The following SIN3A variants were observed in gnomAD, a reference collection of about 807,000 sequenced individuals.
SIN3A encodes paired amphipathic helix protein Sin3a.
SIN3A carries 14 observed loss-of-function variants against 146.1 expected under a neutral mutation model. The ratio of observed to expected loss-of-function variants is 0.10; its 90% CI spans 0.06 to 0.15. The LOEUF is 0.15. Ranked by LOEUF, SIN3A falls within the 10% of genes least tolerant of loss-of-function variation. The pLI is 1.00. For synonymous variants in SIN3A, 572 were observed against 572.0 expected, an observed-to-expected ratio of 1.00 and a Z score of 0.00; for missense variants, 1,028 against 1,576.0, an observed-to-expected ratio of 0.65 and a Z score of 5.89.
chr15:75,433,401 A>C (rs1300678345), intron 1 of SIN3A, among the ~76,000 whole-genome samples: 1 of 152,008 alleles, frequency 6.6e-6, no homozygotes, highest in East Asian at 1.9e-4. Flanking sequence ...CTGATATCAT[A>C]CTCTATCTTT....
rs968883255 is a variant in SIN3A, at chr15:75,393,576, T to C, written c.2278-761A>G. Among the ~76,000 whole-genome samples, 30 of 152,150 alleles carry C rather than the reference T, an allele frequency of 2.0e-4. 1 individual carries two copies. The highest frequency in any genetic ancestry group is 7.2e-4 in the African/African-American group (30 of 41,424). On this transcript the variant is annotated intron_variant, in intron 14 of 20. Coordinates refer to ENST00000394947, the MANE Select transcript of SIN3A (RefSeq NM_001145358.2). Reference sequence around the variant, plus strand: ...TTTTAGTAGAGATGAGGTTTCACCATGTCGGCCAGGCTGGTTTCGAACTTC... The same window carrying C: ...TTTTAGTAGAGATGAGGTTTCACCACGTCGGCCAGGCTGGTTTCGAACTTC...
intron 14 of SIN3A, among the ~76,000 whole-genome samples, chr15:75,394,046 G>C (rs1211352141): frequency 1.3e-5 from 2 of 150,376 alleles, no homozygotes; most frequent in Non-Finnish European, 3.0e-5. Context: ...GACCTCAGGT[G>C]ATCTGCCCGC....
At chr15:75,428,702 GC>G (rs2073966214) in intron 2 of SIN3A, among the ~76,000 whole-genome samples, 1 of 151,952 alleles carries the variant, frequency 6.6e-6, no homozygotes, top group Non-Finnish European at 1.5e-5. Context: ...TTGCTATGTT[GC>G]CCAGGCTGAT....
chr15:75,372,574 T>C (rs1172764825), intron 20 of SIN3A, among the ~76,000 whole-genome samples: 1 of 152,004 alleles, frequency 6.6e-6, no homozygotes, highest in Non-Finnish European at 1.5e-5. Flanking sequence ...GTAATCCTAG[T>C]ACTCTGGGAG....
At chr15:75,418,466 C>T (rs2073782333) in intron 3 of SIN3A, among the ~76,000 whole-genome samples, 1 of 152,108 alleles carries the variant, frequency 6.6e-6, no homozygotes, top group East Asian at 1.9e-4. Flanking sequence ...ACTGGGATTA[C>T]AGGTGCATGC....
At chr15:75,413,702 C>T (rs553858994) in intron 4 of SIN3A, among the ~76,000 whole-genome samples, 1 of 152,218 alleles carries the variant, frequency 6.6e-6, no homozygotes, top group East Asian at 1.9e-4. Flanking sequence ...CGCCACCATG[C>T]CCGGCTAATT....
Position 75,392,354 on chromosome 15 carries a change from G to T in SIN3A, c.2739C>A (p.Ala913=). The T allele has an allele frequency of 6.2e-7, 1 of 1,614,150 alleles. No homozygotes were observed. Among genetic ancestry groups the T allele is most frequent in the Non-Finnish European group, 8.5e-7 (1 of 1,180,032 alleles). The change falls in exon 15 of 21, where the codon GCC becomes GCA. Residue 913 remains alanine, a synonymous_variant. Transcript: ENST00000394947. The part of the protein sequence containing the change: ...CLRLLRICSQ[A]ERQIEEENRE... ...GGTTTTCTTCTTCAATTTGCCGTTC[G>T]GCTTGGGAACAAATCCGTAGCAGCC...
intron 20 of SIN3A, among the ~76,000 whole-genome samples, chr15:75,373,010 C>T (rs1378205906): frequency 6.6e-6 from 1 of 152,084 alleles, no homozygotes; most frequent in African/African-American, 2.4e-5. Flanking sequence ...GGCTTAAAAC[C>T]ACTCTCCCTC....
At position 75,392,643 on chromosome 15, in the gene SIN3A, T is replaced by C; in HGVS notation, c.2450A>G (p.His817Arg). 6.2e-7 allele frequency: 1 copy of C among 1,614,206 alleles called. No individual in the cohort carries two copies. The highest frequency in any genetic ancestry group is 8.5e-7 in the Non-Finnish European group (1 of 1,180,046). ...AAAGAGCAAATCTGGAATAAAATGA[T>C]GCATGATTTGTTTTATCTTATATTT... ...EDKYKIKQIM[H>R]HFIPDLLFAQ... The change falls in exon 15 of 21, where the codon CAT becomes CGT. Residue 817 changes from histidine (H) to arginine (R), a missense_variant. His to Arg is a conservative substitution (Grantham distance 29). Around this residue, in one of 9 missense-constraint regions of SIN3A, gnomAD observed 488 missense variants for 690.2 expected, o/e 0.71. Transcript: ENST00000394947.
At chr15:75,412,626 T>C (rs904016341) in intron 5 of SIN3A, 137 bp downstream of exon 5, 3 of 882,292 alleles carry the variant, frequency 3.4e-6, no homozygotes, top group Non-Finnish European at 5.0e-6. Flanking sequence ...AGTGAAGTTT[T>C]CATACAGCAT....
chr15:75,452,097 C>T (rs2141653841), upstream of SIN3A, among the ~76,000 whole-genome samples: 1 of 152,366 alleles, frequency 6.6e-6, no homozygotes, highest in East Asian at 1.9e-4. Context: ...GGCTCTCCCA[C>T]CGCCCCAGTA....
chr15:75,389,726 G>A lies in SIN3A; in HGVS notation c.2947C>T (p.Leu983=), dbSNP rs1381418666. The A allele has an allele frequency of 3.7e-6, 6 of 1,613,960 alleles. No homozygotes were observed. The highest frequency in any genetic ancestry group is 5.1e-6 in the Non-Finnish European group (6 of 1,179,980). The part of the protein sequence containing the change: ...NIDSSQYEDS[L]REMFTIHAYI... ...GCATGAATGGTGAACATCTCTCTCA[G>A]TGAATCTTCATACTGTGATGAGTCT... Residue 983 remains leucine (L), a synonymous_variant, in exon 16 of 21, where the codon CTG becomes TTG. Transcript: ENST00000394947.
At chr15:75,415,557 TA>T in intron 3 of SIN3A, 2 of 192,988 alleles carry the variant, frequency 1.0e-5, no homozygotes, top group South Asian at 1.1e-4. Context: ...AGCCCAACCC[TA>T]AAAAGGATGC....
intron 1 of SIN3A, among the ~76,000 whole-genome samples, chr15:75,446,848 T>C (rs2074317146): frequency 6.6e-6 from 1 of 152,132 alleles, no homozygotes; most frequent in African/African-American, 2.4e-5. Context: ...CTTGGCTCAC[T>C]GCAAGCTCCA....
chr15:75,416,048 C>A, intron 3 of SIN3A: 1 of 288,816 alleles, frequency 3.5e-6, no homozygotes, highest in Non-Finnish European at 6.8e-6. Context: ...TAACTGTGTA[C>A]TTCTGGTGAC....
At chr15:75,389,456 G>C (rs1465897078) in intron 16 of SIN3A, among the ~76,000 whole-genome samples, 196 bp downstream of exon 16, 1 of 152,060 alleles carries the variant, frequency 6.6e-6, no homozygotes, top group Non-Finnish European at 1.5e-5. Context: ...GAAAGGATAT[G>C]GGGTAGGCAG....
chr15:75,427,570 G>A (rs1211428669), intron 2 of SIN3A, among the ~76,000 whole-genome samples: 2 of 152,014 alleles, frequency 1.3e-5, no homozygotes, highest in Non-Finnish European at 2.9e-5. Flanking sequence ...TGAGGCAAGA[G>A]AATCGCTTCA....
rs139611519 is a variant in SIN3A, at chr15:75,404,659, C to T, written c.1407+2396G>A. ...CCTGTAATCCCAGCTACTCGGGAGG[C>T]TGAGGCAGGAGGATTGCGTGAACCC... On this transcript the variant is annotated intron_variant, in intron 9 of 20. Coordinates refer to ENST00000394947, the MANE Select transcript of SIN3A (RefSeq NM_001145358.2). Among the ~76,000 whole-genome samples the T allele has an allele frequency of 1.6e-3, 245 of 151,654 alleles. 1 individual carries two copies. Among genetic ancestry groups the T allele is most frequent in the African/African-American group, 4.8e-3 (199 of 41,318 alleles).
intron 17 of SIN3A, among the ~76,000 whole-genome samples, chr15:75,383,335 T>C (rs2073011195): frequency 6.6e-6 from 1 of 151,820 alleles, no homozygotes; most frequent in Non-Finnish European, 1.5e-5. Context: ...AAATATATAC[T>C]CAAGCATAGA....
Sources: allele counts gnomAD v4.1 joint callset (sites outside exome capture counted in the v4.1 genomes callset), GRCh38; gene constraint gnomAD v4.1.1; regional missense constraint gnomAD v4.1.1; transcripts MANE v1.5; gene names NCBI Gene and HGNC (gene_info 2026-07-23, HGNC 2026-07-21).